HYOU1: variants seen among roughly 807,000 people sequenced by gnomAD.
HYOU1 encodes the protein hypoxia up-regulated 1, also known as hypoxia up-regulated protein 1.
In HYOU1, 40 loss-of-function variants were observed where a neutral mutation model predicts 120.5. The observed-to-expected ratio is 0.33, with a 90% CI of 0.26 to 0.43. The LOEUF is 0.43. HYOU1 is among the 20% of genes least tolerant of loss of function. HYOU1 has a pLI of 1.00. For synonymous variants in HYOU1, 501 were observed against 479.4 expected, an observed-to-expected ratio of 1.05 and a Z score of -0.59; for missense variants, 1,085 against 1,278.3, an observed-to-expected ratio of 0.85 and a Z score of 2.31.
Position 119,046,405 on chromosome 11 carries a change from G to A in HYOU1, c.2887+12C>T, listed in dbSNP as rs2134676653. 1 of 1,613,606 alleles carries A rather than the reference G, an allele frequency of 6.2e-7. No homozygotes were observed. Among genetic ancestry groups the A allele is most frequent in the Non-Finnish European group, 8.5e-7 (1 of 1,179,792 alleles). ...AACATCCACGTGCTCAACCATGGTT[G>A]CTCCAACTCACCAGTCTCTACTTTC... On this transcript the variant is annotated intron_variant, in intron 24 of 25. Transcript: ENST00000617285.
Position 119,048,100 on chromosome 11 carries a change from G to A in HYOU1, c.2377-20C>T, listed in dbSNP as rs1315146804. On this transcript the variant is annotated intron_variant, in intron 20 of 25. Coordinates refer to ENST00000617285, the MANE Select transcript of HYOU1 (RefSeq NM_006389.5). This position sits in a 1 kb window ranked among gnomAD's most constrained non-coding sequence, Gnocchi z 4.7. Reference sequence around the variant, plus strand: ...CAACATCTGATGGATGTGCGATTGGGCAGAGGGGTGGAAGGGACGACAGCA... The same window carrying A: ...CAACATCTGATGGATGTGCGATTGGACAGAGGGGTGGAAGGGACGACAGCA... The A allele has an allele frequency of 2.5e-6, 4 of 1,613,676 alleles. No individual in the cohort carries two copies. The Admixed American group carries it at 5.0e-5, about 20-fold the overall frequency.
intron 1 of HYOU1, chr11:119,056,382 T>C (rs1176366948): frequency 1.5e-6 from 1 of 647,376 alleles, no homozygotes; most frequent in Non-Finnish European, 2.9e-6. Flanking sequence ...TGAAAGAGCA[T>C]GGGTCCTCGG....
In HYOU1 at chr11:119,052,986, T is replaced by A. The variant is rs1336845485; in HGVS notation, c.795-157A>T. ...TGTGGACACACACTCTGCCCTCAAC[T>A]CTCTACAGCACAGCTGACACCTCGC... On this transcript the variant is annotated intron_variant, in intron 8 of 25. Transcript: ENST00000617285. This position sits in a 1 kb window ranked among gnomAD's most constrained non-coding sequence, Gnocchi z 5.0. The A allele has an allele frequency of 1.5e-6, 1 of 652,226 alleles. No individual in the cohort carries two copies. Among genetic ancestry groups the A allele is most frequent in the Non-Finnish European group, 2.6e-6 (1 of 386,516 alleles). 40.4% of individuals were successfully genotyped at this position (652,226 alleles called of 1,614,324 possible). A position where few individuals can be genotyped will look rare whatever the true frequency, so the allele number is the denominator to read the frequency against.
chr11:119,054,759 CTAGG>C (rs1944653156), intron 6 of HYOU1, 84 bp from the exon 7 acceptor site: 4 of 1,401,538 alleles, frequency 2.9e-6, no homozygotes, highest in Non-Finnish European at 3.9e-6. Context: ...ACATTTTGGA[CTAGG>C]TAATTCTGTG....
intron 22 of HYOU1, chr11:119,047,432 A>G: frequency 2.8e-6 from 1 of 353,064 alleles, no homozygotes. Context: ...TTCACATGAC[A>G]CATCAGTTTC....
At chr11:119,046,269 T>A (rs2133548795) in intron 24 of HYOU1, 148 bp downstream of exon 24, 138 of 608,832 alleles carry the variant, frequency 2.3e-4, no homozygotes, top group African/African-American at 1.8e-3. Flanking sequence ...CCTGGCCTTT[T>A]TTTTTTTTTT....
rs2133594777 is a variant in HYOU1, at chr11:119,052,692, C to A, written c.932G>T (p.Arg311Leu). The A allele has an allele frequency of 1.2e-6, 2 of 1,614,196 alleles. No homozygotes were observed. The highest frequency in any genetic ancestry group is 1.3e-5 in the African/African-American group (1 of 75,060). The part of the protein sequence containing the change: ...ENPRAMAKLL[R>L]EANRLKTVLS... ...GACGGTTTTGAGCCGATTAGCCTCACGCAGCAGCTTGGCCATGGCACGCGG... is the reference window on the plus strand; with the variant it reads ...GACGGTTTTGAGCCGATTAGCCTCAAGCAGCAGCTTGGCCATGGCACGCGG... Residue 311 changes from arginine (R) to leucine (L), a missense_variant, in exon 9 of 26, where the codon CGT becomes CTT. By Grantham distance (102) the Arg-to-Leu change is moderately radical. Transcript: ENST00000617285. This position sits in a 1 kb window ranked among gnomAD's most constrained non-coding sequence, Gnocchi z 5.0.
rs1944416514 is a variant in HYOU1, at chr11:119,051,204, G to A, written c.1527-31C>T. The A allele has an allele frequency of 6.2e-7, 1 of 1,613,454 alleles. No individual in the cohort carries two copies. Among genetic ancestry groups the A allele is most frequent in the Admixed American group, 1.7e-5 (1 of 59,970 alleles). ...TGGGAAGGAAAGAGGAGTTCAGGGG[G>A]ACCCACCCCAGCCCATCTCGCCCTC... On this transcript the variant is annotated intron_variant, in intron 13 of 25. Coordinates refer to ENST00000617285, the MANE Select transcript of HYOU1 (RefSeq NM_006389.5). The surrounding 1 kb of genome is among the most constrained non-coding windows in gnomAD (Gnocchi z 4.2).
Position 119,055,390 on chromosome 11 carries a change from T to TA in HYOU1, c.265-52dup. 1 of 1,607,996 alleles carries TA rather than the reference T, an allele frequency of 6.2e-7. No individual in the cohort carries two copies. The highest frequency in any genetic ancestry group is 8.5e-7 in the Non-Finnish European group (1 of 1,175,382). ...AGTATTAGGCTCCCAAGTCCACCAT[T>TA]ACCTACCTCTTACATCACAGAGACT... On this transcript the variant is annotated intron_variant, in intron 4 of 25. Transcript: ENST00000617285. This position sits in a 1 kb window ranked among gnomAD's most constrained non-coding sequence, Gnocchi z 4.0.
At chr11:119,046,867 T>C (rs1266928856) in intron 22 of HYOU1, 65 bp from the exon 23 acceptor site, 7 of 1,564,010 alleles carry the variant, frequency 4.5e-6, no homozygotes, top group Non-Finnish European at 5.2e-6. Context: ...CTGTCCCAGA[T>C]GGAATCACAC....
Position 119,051,045 on chromosome 11 carries a change from C to T in HYOU1, c.1655G>A (p.Ser552Asn), listed in dbSNP as rs782341506. The T allele has an allele frequency of 1.2e-6, 2 of 1,614,112 alleles. No homozygotes were observed. The highest frequency in any genetic ancestry group is 2.2e-5 in the East Asian group (1 of 44,900). ...TCCTTTAGCTCTCACCCTGTCTAGA[C>T]TGAGCACGCCACTCTCATCCAGGTT... ...HFNLDESGVL[S>N]LDRVESVFET... Residue 552 changes from serine to asparagine, a missense_variant, in exon 14 of 26, where the codon AGT becomes AAT. Ser to Asn is a conservative substitution (Grantham distance 46, BLOSUM62 1). Coordinates refer to ENST00000617285, the MANE Select transcript of HYOU1 (RefSeq NM_006389.5). This position sits in a 1 kb window ranked among gnomAD's most constrained non-coding sequence, Gnocchi z 4.2.
intron 14 of HYOU1, 133 bp downstream of exon 14, chr11:119,050,902 T>C (rs1944401972): frequency 1.0e-6 from 1 of 992,690 alleles, no homozygotes; most frequent in Non-Finnish European, 1.5e-6. Context: ...TTAGCTCTGT[T>C]CAGAGCCAAC....
chr11:119,047,635 G>C, intron 22 of HYOU1, 99 bp downstream of exon 22: 1 of 993,600 alleles, frequency 1.0e-6, no homozygotes, highest in Non-Finnish European at 1.6e-6. Context: ...TAGATGCTAA[G>C]CCAGGAGGCA....
At chr11:119,047,841 T>C (rs2133558714) in intron 21 of HYOU1, 23 bp from the exon 22 acceptor site, 1 of 1,612,922 alleles carries the variant, frequency 6.2e-7, no homozygotes, top group South Asian at 1.1e-5. Context: ...AAGGAGACCA[T>C]TAGCCCCAGA....
At chr11:119,047,048 C>A in intron 22 of HYOU1, 1 of 481,604 alleles carries the variant, frequency 2.1e-6, no homozygotes, top group South Asian at 3.5e-5. Flanking sequence ...CTGAACAAAC[C>A]CCTTGAATAG....
Position 119,055,561 on chromosome 11 carries a change from T to C in HYOU1, c.196A>G (p.Arg66Gly), listed in dbSNP as rs1944703599. The C allele has an allele frequency of 6.2e-7, 1 of 1,613,966 alleles. No homozygotes were observed. Among genetic ancestry groups the C allele is most frequent in the African/African-American group, 1.3e-5 (1 of 74,892 alleles). The part of the protein sequence containing the change: ...MEIVLNKESR[R>G]KTPVIVTLKE... ...AGGGTCACGATCACCGGTGTTTTCCTCCGAGATTCCCTGAGGAAAAGAGAT... is the reference window on the plus strand; with the variant it reads ...AGGGTCACGATCACCGGTGTTTTCCCCCGAGATTCCCTGAGGAAAAGAGAT... Residue 66 changes from arginine to glycine, a missense_variant, in exon 4 of 26, where the codon AGG (arginine) becomes GGG (glycine). Coordinates refer to ENST00000617285, the MANE Select transcript of HYOU1 (RefSeq NM_006389.5). The surrounding 1 kb of genome is among the most constrained non-coding windows in gnomAD (Gnocchi z 4.0).
At position 119,051,449 on chromosome 11, in the gene HYOU1, A is replaced by C; in HGVS notation, c.1515T>G (p.Pro505=). 6.2e-7 allele frequency: 1 copy of C among 1,614,036 alleles called. No individual in the cohort carries two copies. The highest frequency in any genetic ancestry group is 8.5e-7 in the Non-Finnish European group (1 of 1,179,978). ...INYGDLGFLG[P]EDLRVFGSQN... Reference sequence around the variant, plus strand: ...CCCCTGCCCCTCACCGAAGATCTTCAGGCCCCAGGAAGCCCAGGTCGCCGT... The same window carrying C: ...CCCCTGCCCCTCACCGAAGATCTTCCGGCCCCAGGAAGCCCAGGTCGCCGT... The change falls in exon 13 of 26, where the codon CCT becomes CCG. Residue 505 remains proline, a synonymous_variant. Transcript: ENST00000617285. This position sits in a 1 kb window ranked among gnomAD's most constrained non-coding sequence, Gnocchi z 4.2.
intron 14 of HYOU1, among the ~76,000 whole-genome samples, chr11:119,050,349 G>A (rs1944349644): frequency 6.6e-6 from 1 of 151,948 alleles, no homozygotes; most frequent in Non-Finnish European, 1.5e-5. Context: ...GGAGGCGGAG[G>A]TTGCAAGATC....
rs781828975 is a variant in HYOU1 at position 119,055,551 on chromosome 11, G to T, written c.206C>A (p.Pro69Gln). 3.1e-6 allele frequency: 5 copies of T among 1,614,048 alleles called. No homozygotes were observed. Among genetic ancestry groups the T allele is most frequent in the Non-Finnish European group, 4.2e-6 (5 of 1,179,970 alleles). Residue 69 changes from proline to glutamine, a missense_variant, in exon 4 of 26, where the codon CCG becomes CAG. Pro to Gln is a moderately conservative substitution (Grantham distance 76). Coordinates refer to ENST00000617285, the MANE Select transcript of HYOU1 (RefSeq NM_006389.5). This position sits in a 1 kb window ranked among gnomAD's most constrained non-coding sequence, Gnocchi z 4.0. The part of the protein sequence containing the change: ...VLNKESRRKT[P>Q]VIVTLKENER... ...ATTTTCTTTCAGGGTCACGATCACC[G>T]GTGTTTTCCTCCGAGATTCCCTGAG...
Sources: allele counts gnomAD v4.1 joint callset (sites outside exome capture counted in the v4.1 genomes callset), GRCh38; gene constraint gnomAD v4.1.1; non-coding constraint Gnocchi (gnomAD v3.1); transcripts MANE v1.5; gene names NCBI Gene and HGNC (gene_info 2026-07-23, HGNC 2026-07-21).